PFAS: variants seen among roughly 807,000 people sequenced by gnomAD.
PFAS encodes the protein FGAM synthase.
In PFAS, 97 loss-of-function variants were observed where a neutral mutation model predicts 140.6. The observed-to-expected ratio is 0.69, with a 90% CI of 0.59 to 0.82. The LOEUF is 0.82. Among genes scored for constraint, PFAS ranks in the 40% least tolerant of loss-of-function variants. The probability of loss-of-function intolerance (pLI) is 0.00; values close to 1 mark genes in which losing one functional copy is unlikely to be tolerated. For synonymous variants in PFAS, 679 were observed against 718.8 expected (o/e 0.94, Z 0.88); for missense variants, 1,656 against 1,780.2 (o/e 0.93, Z 1.26).
In PFAS at chr17:8,269,308, G is replaced by A. The variant is rs1244586495; in HGVS notation, c.*44G>A. 1 of 1,430,282 alleles carries A rather than the reference G, an allele frequency of 7.0e-7. No individual in the cohort carries two copies. Among genetic ancestry groups the A allele is most frequent in the East Asian group, 2.3e-5 (1 of 43,310 alleles). 88.6% of individuals were successfully genotyped at this position (1,430,282 alleles called of 1,614,324 possible). ...CTGGGCCCCATGGCTTTTCACCTAA[G>A]TGGGTCCTGCCCCCTCCCCCATGAC... is the stretch of plus-strand genomic sequence containing the variant. On this transcript the variant is annotated 3_prime_UTR_variant, in exon 28 of 28. Coordinates refer to ENST00000314666, the MANE Select transcript of PFAS (RefSeq NM_012393.3).
chr17:8,256,500 G>A, intron 7 of PFAS, 24 bp from the exon 8 acceptor site: 1 of 1,613,858 alleles, frequency 6.2e-7, no homozygotes, highest in Non-Finnish European at 8.5e-7. Flanking sequence ...AAGGAAGCAA[G>A]GTCCATGACG....
At chr17:8,252,841 C>G (rs539379389) in intron 1 of PFAS, among the ~76,000 whole-genome samples, 1 of 152,020 alleles carries the variant, frequency 6.6e-6, no homozygotes, top group Non-Finnish European at 1.5e-5. Context: ...AGGTTGGTCT[C>G]GAACGCCTGT....
chr17:8,248,240 C>A (rs865900189), upstream of PFAS: 5 of 585,812 alleles, frequency 8.5e-6, no homozygotes, highest in Middle Eastern at 4.6e-4. Context: ...TGTCTCTTTT[C>A]TCTGATTTTT....
Position 8,267,722 on chromosome 17 carries a change from T to A in PFAS, c.3382+57T>A. ...CCCCACATTCCTGAAGAGGTGCCTT[T>A]AGCCCCATCTTCCTGGGCTGGGGAT... On this transcript the variant is annotated intron_variant, in intron 26 of 27. Coordinates refer to ENST00000314666, the MANE Select transcript of PFAS (RefSeq NM_012393.3). The surrounding 1 kb of genome is among the most constrained non-coding windows in gnomAD (Gnocchi z 4.9). The A allele has an allele frequency of 1.0e-6, 1 of 966,094 alleles. No homozygotes were observed. Among genetic ancestry groups the A allele is most frequent in the Non-Finnish European group, 1.6e-6 (1 of 619,084 alleles). 59.8% of individuals were successfully genotyped at this position (966,094 alleles called of 1,614,324 possible).
At chr17:8,259,294 A>G (rs544276920) in intron 11 of PFAS, among the ~76,000 whole-genome samples, 140 of 151,962 alleles carry the variant, frequency 9.2e-4, no homozygotes, top group Non-Finnish European at 1.8e-3. Context: ...TTTTAGAGAC[A>G]GGGTGTTACT....
chr17:8,255,176 C>G (rs770441937), intron 4 of PFAS, 44 bp downstream of exon 4: 16 of 1,368,892 alleles, frequency 1.2e-5, no homozygotes, highest in Non-Finnish European at 1.6e-5. Flanking sequence ...GCCAGAGATA[C>G]AAGATTAGAT....
intron 6 of PFAS, 67 bp downstream of exon 6, chr17:8,255,977 C>T: frequency 8.3e-7 from 1 of 1,209,592 alleles, no homozygotes. Flanking sequence ...CAGGGGCTCA[C>T]CTTCATGTTC....
In PFAS at chr17:8,258,193, G is replaced by C. The variant is rs758258598; in HGVS notation, c.1330G>C (p.Glu444Gln). The change falls in exon 11 of 28, where the codon GAG becomes CAG. Residue 444 changes from glutamate to glutamine, a missense_variant. Glu to Gln is a conservative substitution (Grantham distance 29). Transcript: ENST00000314666. ...TGACCACATAAGCAAGGAGGCCCCAGAGCCAGGTAAGAGCCTGCCACCTTT... is the reference window on the plus strand; with the variant it reads ...TGACCACATAAGCAAGGAGGCCCCACAGCCAGGTAAGAGCCTGCCACCTTT... ...EADHISKEAP[E>Q]PGMEVVKVGG... 4.7e-5 allele frequency: 76 copies of C among 1,613,878 alleles called. No individual in the cohort carries two copies. Among genetic ancestry groups the C allele is most frequent in the Middle Eastern group, 1.7e-4 (1 of 6,054 alleles).
At chr17:8,261,450 G>T (rs866575934) in intron 11 of PFAS, among the ~76,000 whole-genome samples, 4 of 151,836 alleles carry the variant, frequency 2.6e-5, no homozygotes, top group Middle Eastern at 3.4e-3. Context: ...TGTTGCCCAG[G>T]CTGGTCTCAA....
upstream of PFAS, chr17:8,247,789 G>C (rs1988883174): frequency 1.7e-6 from 1 of 591,800 alleles, no homozygotes; most frequent in Non-Finnish European, 3.1e-6. Flanking sequence ...AGTGAACGGA[G>C]ACCAGTTTAA....
chr17:8,258,310 C>A, intron 11 of PFAS, 111 bp downstream of exon 11: 2 of 1,185,068 alleles, frequency 1.7e-6, no homozygotes, highest in Non-Finnish European at 2.4e-6. Context: ...AATATGTTGG[C>A]TTATCTTATG....
chr17:8,257,056 C>T (rs552424571), intron 9 of PFAS, 93 bp downstream of exon 9: 3 of 1,378,268 alleles, frequency 2.2e-6, no homozygotes, highest in East Asian at 4.6e-5. Context: ...TAGGGTTATC[C>T]TGTGTGCCTT....
At chr17:8,260,080 G>C (rs547237778) in intron 11 of PFAS, among the ~76,000 whole-genome samples, 1 of 150,358 alleles carries the variant, frequency 6.7e-6, no homozygotes, top group Non-Finnish European at 1.5e-5. Flanking sequence ...CAGTCTGGAC[G>C]TAAGAGTGAG....
At position 8,253,925 on chromosome 17, in the gene PFAS, G is replaced by A; in HGVS notation, c.-13G>A. 2 of 1,605,296 alleles carry A rather than the reference G, an allele frequency of 1.2e-6. No homozygotes were observed. The highest frequency in any genetic ancestry group is 1.7e-6 in the Non-Finnish European group (2 of 1,174,154). ...CAAAGGACACCTCTCTCCAGCAAAG[G>A]ACACCTGCAGAGATGTCCCCAGTCC... On this transcript the variant is annotated 5_prime_UTR_variant, in exon 2 of 28. Transcript: ENST00000314666.
intron 9 of PFAS, among the ~76,000 whole-genome samples, chr17:8,257,168 C>G (rs111439370): frequency 3.9e-5 from 6 of 152,138 alleles, no homozygotes; most frequent in Non-Finnish European, 7.4e-5. Flanking sequence ...TGCAGGTCTA[C>G]GATTTTCTTT....
At chr17:8,248,410 A>ATTTTTTTTTTTTTTTTTTTTTT (rs35534210), upstream of PFAS, among the ~76,000 whole-genome samples, 20 of 67,642 alleles carry the variant, frequency 3.0e-4, 1 homozygote, top group South Asian at 6.8e-4. Context: ...CGCCCGGCTA[A>ATTTTTTTTTTTTTTTTTTTTTT]TTTTTTTTTT....
chr17:8,256,710 G>C (rs558928875), intron 8 of PFAS, 62 bp downstream of exon 8: 112 of 1,578,786 alleles, frequency 7.1e-5, no homozygotes, highest in Admixed American at 1.3e-4. Context: ...AAAGGTCCCA[G>C]GCCCCTGGAG....
chr17:8,264,851 G>C (rs754975776), intron 17 of PFAS, 44 bp from the exon 18 acceptor site: 1 of 1,375,804 alleles, frequency 7.3e-7, no homozygotes, highest in Non-Finnish European at 1.0e-6. Context: ...AGCTCAGGCT[G>C]TCCCTGTCCC....
intron 3 of PFAS, among the ~76,000 whole-genome samples, chr17:8,254,582 A>T (rs1246891688): frequency 6.6e-6 from 1 of 152,168 alleles, no homozygotes; most frequent in Non-Finnish European, 1.5e-5. Context: ...GGTGGGGCAG[A>T]TCACGAGATC....
Sources: allele counts gnomAD v4.1 joint callset (sites outside exome capture counted in the v4.1 genomes callset), GRCh38; gene constraint gnomAD v4.1.1; non-coding constraint Gnocchi (gnomAD v3.1); transcripts MANE v1.5; gene names NCBI Gene and HGNC (gene_info 2026-07-23, HGNC 2026-07-21).